KIRREL3: variants seen among roughly 807,000 people sequenced by gnomAD.
KIRREL3 encodes the protein kin of IRRE-like protein 3.
Under a neutral mutation model 89.7 loss-of-function variants are expected in KIRREL3, and 36 were observed. The observed-to-expected ratio is 0.40, with a 90% confidence interval of 0.31 to 0.53. KIRREL3 has a LOEUF of 0.53. KIRREL3 is among the 20% of genes least tolerant of loss of function. KIRREL3 has a pLI of 0.49. For synonymous variants in KIRREL3, 445 were observed against 441.4 expected (o/e 1.01, Z -0.10); for missense variants, 864 against 1,056.6 (o/e 0.82, Z 2.53).
chr11:126,482,646 C>T (rs1957253115), intron 4 of KIRREL3, among the ~76,000 whole-genome samples: 1 of 152,188 alleles, frequency 6.6e-6, no homozygotes, highest in African/African-American at 2.4e-5. Flanking sequence ...GGAGCTGGGA[C>T]TTAGAAGTCC....
chr11:126,952,224 A>C (rs1565452692), intron 1 of KIRREL3, among the ~76,000 whole-genome samples: 1 of 152,184 alleles, frequency 6.6e-6, no homozygotes, highest in Non-Finnish European at 1.5e-5. Context: ...TGTCTCTACC[A>C]AAAATACAAA....
At position 126,697,092 on chromosome 11, in the gene KIRREL3, C is replaced by T. The variant is rs758827430; in HGVS notation, c.56-134180G>A. ...CTCTGCCCTGCGACTCAGCCTCCTT[C>T]GGGCTGCGGCTTAGCATGTTCCCCT... On this transcript the variant is annotated intron_variant, in intron 1 of 16. Coordinates refer to ENST00000525144, the MANE Select transcript of KIRREL3 (RefSeq NM_032531.4). This position sits in a 1 kb window ranked among gnomAD's most constrained non-coding sequence, Gnocchi z 4.2. Among the ~76,000 whole-genome samples, 18 of 152,302 alleles carry T rather than the reference C, an allele frequency of 1.2e-4. No individual in the cohort carries two copies. The highest frequency in any genetic ancestry group is 3.6e-4 in the African/African-American group (15 of 41,574).
At chr11:126,767,129 C>T (rs1949849551) in intron 1 of KIRREL3, among the ~76,000 whole-genome samples, 1 of 152,232 alleles carries the variant, frequency 6.6e-6, no homozygotes, top group Admixed American at 6.5e-5. Context: ...AGTGCAAAGA[C>T]TGGGAGACAA....
rs74663169 is a variant in KIRREL3 at position 126,736,569 on chromosome 11, C to T, written c.56-173657G>A. Among the ~76,000 whole-genome samples the T allele has an allele frequency of 0.014, 2,147 of 152,218 alleles. 48 individuals carry two copies. Among genetic ancestry groups the T allele is most frequent in the African/African-American group, 0.045 (1,888 of 41,520 alleles). Reference sequence around the variant, plus strand: ...ATTTGAGAACATCTGAAGATATTTTCGGTTGTTACAACTAAGTGGGGGAGT... The same window carrying T: ...ATTTGAGAACATCTGAAGATATTTTTGGTTGTTACAACTAAGTGGGGGAGT... On this transcript the variant is annotated intron_variant, in intron 1 of 16. Coordinates refer to ENST00000525144, the MANE Select transcript of KIRREL3 (RefSeq NM_032531.4). The surrounding 1 kb of genome is among the most constrained non-coding windows in gnomAD (Gnocchi z 5.0).
rs1028930288 is a variant in KIRREL3 at position 126,656,281 on chromosome 11, C to A, written c.56-93369G>T. The A allele has an allele frequency of 8.5e-5, 32 of 376,094 alleles. No homozygotes were observed. Among genetic ancestry groups the A allele is most frequent in the Admixed American group, 5.5e-4 (17 of 31,012 alleles). 23.3% of individuals were successfully genotyped at this position (376,094 alleles called of 1,614,324 possible). On this transcript the variant is annotated intron_variant, in intron 1 of 16. Transcript: ENST00000525144. The surrounding 1 kb of genome is among the most constrained non-coding windows in gnomAD (Gnocchi z 4.0). ...TATCAGGCTGGTTTCTTAACCATAA[C>A]CTCCATGATTCAGTTTCTTCATTTG...
chr11:126,713,001 T>C (rs1947822691), intron 1 of KIRREL3, among the ~76,000 whole-genome samples: 1 of 152,184 alleles, frequency 6.6e-6, no homozygotes, highest in Non-Finnish European at 1.5e-5. Flanking sequence ...CACTGGGTGC[T>C]GGGTGCTAGG....
rs575020368 is a variant in KIRREL3 at position 127,000,202 on chromosome 11, G to A, written c.55+253C>T. On this transcript the variant is annotated intron_variant, in intron 1 of 16. Coordinates refer to ENST00000525144, the MANE Select transcript of KIRREL3 (RefSeq NM_032531.4). This position sits in a 1 kb window ranked among gnomAD's most constrained non-coding sequence, Gnocchi z 7.1. The stretch of plus-strand genomic sequence containing the variant: ...TCATTTGCATTGGAGAGTTTGAGCT[G>A]GATATTGACAAGTGAGAGGAGAAAG... 2.6e-5 allele frequency among the ~76,000 whole-genome samples: 4 copies of A among 152,274 alleles called. No individual in the cohort carries two copies. The South Asian group carries it at 8.3e-4, about 32-fold the overall frequency.
chr11:126,767,976 G>A (rs954603514), intron 1 of KIRREL3, among the ~76,000 whole-genome samples: 2 of 152,208 alleles, frequency 1.3e-5, no homozygotes, highest in Non-Finnish European at 2.9e-5. Flanking sequence ...AGCTACCATA[G>A]GGTGAAGTCC....
rs1402893179 is a variant in KIRREL3 at position 126,516,891 on chromosome 11, G to A, written c.433+4424C>T. On this transcript the variant is annotated intron_variant, in intron 4 of 16. Coordinates refer to ENST00000525144, the MANE Select transcript of KIRREL3 (RefSeq NM_032531.4). This position sits in a 1 kb window ranked among gnomAD's most constrained non-coding sequence, Gnocchi z 4.9. ...GTGGATCACTTGAGGTCAAGTGTTCGAGACCAGCCTGGGCAGCATGGCTAA... is the reference window on the plus strand; with the variant it reads ...GTGGATCACTTGAGGTCAAGTGTTCAAGACCAGCCTGGGCAGCATGGCTAA... 6.6e-6 allele frequency among the ~76,000 whole-genome samples: 1 copy of A among 152,064 alleles called. No homozygotes were observed. The highest frequency in any genetic ancestry group is 1.9e-4 in the East Asian group (1 of 5,186).
intron 1 of KIRREL3, among the ~76,000 whole-genome samples, chr11:126,745,875 A>T (rs982248207): frequency 3.9e-5 from 6 of 152,226 alleles, no homozygotes; most frequent in African/African-American, 7.2e-5. Flanking sequence ...TTGGGCGTTT[A>T]TCAATGTACA....
rs1042443082 is a variant in KIRREL3, at chr11:126,441,663, A to T, written c.1253-1114T>A. Among the ~76,000 whole-genome samples the T allele has an allele frequency of 4.6e-5, 7 of 152,266 alleles. No homozygotes were observed. The highest frequency in any genetic ancestry group is 3.9e-4 in the Admixed American group (6 of 15,294). ...GCAGGAACAAAACAAAAATTGCTGCAAACATAATTGCTGTTTATTAGCCAC... is the reference window on the plus strand; with the variant it reads ...GCAGGAACAAAACAAAAATTGCTGCTAACATAATTGCTGTTTATTAGCCAC... On this transcript the variant is annotated intron_variant, in intron 10 of 16. Coordinates refer to ENST00000525144, the MANE Select transcript of KIRREL3 (RefSeq NM_032531.4). This position sits in a 1 kb window ranked among gnomAD's most constrained non-coding sequence, Gnocchi z 5.0.
chr11:126,847,185 G>T (rs1199327869), intron 1 of KIRREL3, among the ~76,000 whole-genome samples: 1 of 152,114 alleles, frequency 6.6e-6, no homozygotes, highest in African/African-American at 2.4e-5. Flanking sequence ...AGGAAGCATT[G>T]TCAAAAATGA....
Position 126,791,053 on chromosome 11 carries a change from T to G in KIRREL3, c.55+209402A>C, listed in dbSNP as rs2134358649. On this transcript the variant is annotated intron_variant, in intron 1 of 16. Transcript: ENST00000525144. This position sits in a 1 kb window ranked among gnomAD's most constrained non-coding sequence, Gnocchi z 4.8. ...AATGAGCATGATGTCACTTCTTAGC[T>G]TTGGGAGGAAAAAATGAGTGATCCT... 6.6e-6 allele frequency among the ~76,000 whole-genome samples: 1 copy of G among 152,246 alleles called. No homozygotes were observed. Among genetic ancestry groups the G allele is most frequent in the South Asian group, 2.1e-4 (1 of 4,820 alleles).
chr11:126,904,767 A>G lies in KIRREL3; in HGVS notation c.55+95688T>C, dbSNP rs192639477. On this transcript the variant is annotated intron_variant, in intron 1 of 16. Transcript: ENST00000525144. This position sits in a 1 kb window ranked among gnomAD's most constrained non-coding sequence, Gnocchi z 4.4. ...ATCTTGTCTCGTCTATTTTTATCCT[A>G]TGTTCACTCAATATTTGTAGCATTC... Among the ~76,000 whole-genome samples the G allele has an allele frequency of 6.6e-6, 1 of 152,258 alleles. No individual in the cohort carries two copies. The highest frequency in any genetic ancestry group is 1.9e-4 in the East Asian group (1 of 5,184).
intron 1 of KIRREL3, among the ~76,000 whole-genome samples, chr11:126,584,721 C>A (rs144390478): frequency 1.4e-4 from 22 of 152,200 alleles, no homozygotes; most frequent in African/African-American, 5.3e-4. Context: ...AGATCTGGGG[C>A]AGAGCTTCCC....
At chr11:126,478,428 T>C (rs1957125155) in intron 4 of KIRREL3, among the ~76,000 whole-genome samples, 2 of 152,016 alleles carry the variant, frequency 1.3e-5, no homozygotes, top group Admixed American at 6.5e-5. Context: ...AATAAAAGAA[T>C]CTCAGAAGGG....
intron 1 of KIRREL3, among the ~76,000 whole-genome samples, chr11:126,950,398 C>A (rs1784316): frequency 0.89 from 134,869 of 151,994 alleles, 59,960 homozygotes; most frequent in Middle Eastern, 0.96. Context: ...AACAAACAAA[C>A]AAAACCAAAA....
chr11:126,957,457 T>C (rs918734717), intron 1 of KIRREL3, among the ~76,000 whole-genome samples: 1 of 152,214 alleles, frequency 6.6e-6, no homozygotes, highest in African/African-American at 2.4e-5. Flanking sequence ...TAATTTTTTA[T>C]TGCAAAAGGC....
intron 7 of KIRREL3, among the ~76,000 whole-genome samples, chr11:126,453,477 T>G (rs959173731): frequency 6.6e-6 from 1 of 152,228 alleles, no homozygotes; most frequent in African/African-American, 2.4e-5. Flanking sequence ...TCAAGATGAA[T>G]GAAAGTAAAG....
Sources: gnomAD v4.1 joint callset for allele counts (sites outside exome capture counted in the v4.1 genomes callset) on GRCh38, gnomAD v4.1.1 for gene constraint, Gnocchi (gnomAD v3.1) non-coding constraint, MANE v1.5 for transcripts, NCBI Gene and HGNC (gene_info 2026-07-23, HGNC 2026-07-21) for gene names.